TMPRSS4: variants seen among roughly 807,000 people sequenced by gnomAD.
TMPRSS4 encodes transmembrane protease serine 4.
A neutral mutation model predicts 56.4 loss-of-function variants in TMPRSS4; 45 were observed. The observed-to-expected ratio is 0.80, with a 90% CI of 0.63 to 1.02. The LOEUF (loss-of-function observed/expected upper bound fraction) is 1.02. TMPRSS4 is among the 50% of genes least tolerant of loss of function. TMPRSS4 has a pLI of 0.00. For missense variants in TMPRSS4, 546 were observed against 556.7 expected, an observed-to-expected ratio of 0.98 and a Z score of 0.19; for synonymous variants, 205 against 211.0, an observed-to-expected ratio of 0.97 and a Z score of 0.25.
chr11:118,094,811 T>C lies in TMPRSS4; in HGVS notation c.4-5T>C. 6.2e-6 allele frequency: 10 copies of C among 1,611,212 alleles called. No individual in the cohort carries two copies. Among genetic ancestry groups the C allele is most frequent in the Non-Finnish European group, 8.5e-6 (10 of 1,178,854 alleles). On this transcript the variant is annotated splice_region_variant and splice_polypyrimidine_tract_variant and intron_variant, in intron 1 of 12. Transcript: ENST00000437212. ...GCCTCAACTCACTGACTGTTTTTCC[T>C]TCAATTACAGGATCCTGACAGTGAT...
intron 2 of TMPRSS4, among the ~76,000 whole-genome samples, chr11:118,095,681 G>C (rs1022023517): frequency 1.3e-5 from 2 of 152,180 alleles, no homozygotes; most frequent in African/African-American, 4.8e-5. Context: ...GAGGACCAGG[G>C]AGTGAACGTG....
chr11:118,081,376 G>A (rs45445895), intron 1 of TMPRSS4, among the ~76,000 whole-genome samples: 4,103 of 152,214 alleles, frequency 0.027, 73 homozygotes, highest in African/African-American at 0.052. Flanking sequence ...CCTGTGACAC[G>A]TCTAACGCCA....
intron 2 of TMPRSS4, chr11:118,095,549 A>G (rs1946238896): frequency 6.6e-6 from 1 of 152,414 alleles, no homozygotes; most frequent in Non-Finnish European, 1.5e-5. Flanking sequence ...TGCCTAGTTT[A>G]TACTTTGGAA....
At chr11:118,085,082 G>T (rs79388079) in intron 1 of TMPRSS4, among the ~76,000 whole-genome samples, 1 of 152,152 alleles carries the variant, frequency 6.6e-6, no homozygotes, top group Non-Finnish European at 1.5e-5. Flanking sequence ...AGCAGGTGGC[G>T]CACCTTACAG....
At position 118,114,674 on chromosome 11, in the gene TMPRSS4, T is replaced by C. The variant is rs138881820; in HGVS notation, c.911-155T>C. Among the ~76,000 whole-genome samples the C allele has an allele frequency of 1.0e-3, 159 of 152,324 alleles. 1 individual carries two copies. The East Asian group carries it at 0.027, about 26-fold the overall frequency. ...TTGGCTGGTTTGCCTATTAAAGGCG[T>C]GCCCAAAGCCAAGTTGTTTACTATC... On this transcript the variant is annotated intron_variant, in intron 9 of 12. Transcript: ENST00000437212.
intron 8 of TMPRSS4, among the ~76,000 whole-genome samples, chr11:118,112,432 G>A (rs1013099791): frequency 2.9e-5 from 3 of 104,058 alleles, no homozygotes; most frequent in East Asian, 3.1e-4. Context: ...TTGCTCTGTT[G>A]CTTAGGCTGG....
At chr11:118,116,546 G>A (rs866040108) in intron 11 of TMPRSS4, among the ~76,000 whole-genome samples, 1 of 152,242 alleles carries the variant, frequency 6.6e-6, no homozygotes, top group Middle Eastern at 3.4e-3. Flanking sequence ...TTATTTGCTT[G>A]TTCACTGTCT....
Position 118,103,381 on chromosome 11 carries a change from T to TTTG in TMPRSS4, c.310+131_310+133dup, listed in dbSNP as rs1311235656. ...CATCCTTGTTGTATAAGGTTCTTTG[T>TTTG]TTGTTTGTTTGTTGTTGTTTTGAGG... On this transcript the variant is annotated intron_variant, in intron 4 of 12. Coordinates refer to ENST00000437212, the MANE Select transcript of TMPRSS4 (RefSeq NM_019894.4). 11 of 1,075,070 alleles carry TTTG rather than the reference T, an allele frequency of 1.0e-5. No homozygotes were observed. The South Asian group carries it at 1.2e-4, about 12-fold the overall frequency. The allele number at this position is 1,075,070 out of a possible 1,614,324, so 66.6% of individuals were successfully genotyped here. A position where few individuals can be genotyped will look rare whatever the true frequency, so the allele number is the denominator to read the frequency against.
chr11:118,106,895 A>T (rs924560636), intron 5 of TMPRSS4: 1 of 152,244 alleles, frequency 6.6e-6, no homozygotes, highest in African/African-American at 2.4e-5. Context: ...GACAGAACCT[A>T]GATCATGAGG....
intron 3 of TMPRSS4, among the ~76,000 whole-genome samples, chr11:118,102,158 C>A (rs1389995962): frequency 6.6e-6 from 1 of 152,066 alleles, no homozygotes. Context: ...TCTCCCTCCT[C>A]CCGCCTCCCC....
chr11:118,115,372 G>A, intron 11 of TMPRSS4, 92 bp downstream of exon 11: 11 of 1,476,618 alleles, frequency 7.4e-6, no homozygotes, highest in Admixed American at 2.4e-5. Context: ...CCTACAGGAA[G>A]CCTTGCATAT....
Position 118,099,048 on chromosome 11 carries a change from T to A in TMPRSS4, c.107T>A (p.Ile36Asn), listed in dbSNP as rs1946575015. The change falls in exon 3 of 13, where the codon ATC becomes AAC. Residue 36 changes from isoleucine (I) to asparagine (N), a missense_variant. Physicochemically the swap from Ile to Asn is moderately radical, Grantham distance 149. Coordinates refer to ENST00000437212, the MANE Select transcript of TMPRSS4 (RefSeq NM_019894.4). Reference sequence around the variant, plus strand: ...ACCTTCAGAAAGGTGGGGATCCCCATCATCATAGCACTACTGAGCCTGGCG... The same window carrying A: ...ACCTTCAGAAAGGTGGGGATCCCCAACATCATAGCACTACTGAGCCTGGCG... ...METFRKVGIPIIIALLSLASI... is the reference protein window; with the variant it reads ...METFRKVGIPNIIALLSLASI... The A allele has an allele frequency of 6.2e-7, 1 of 1,613,868 alleles. No individual in the cohort carries two copies. Among genetic ancestry groups the A allele is most frequent in the Non-Finnish European group, 8.5e-7 (1 of 1,179,918 alleles).
chr11:118,101,432 T>G (rs1031115678), intron 3 of TMPRSS4, among the ~76,000 whole-genome samples: 1 of 151,940 alleles, frequency 6.6e-6, no homozygotes, highest in African/African-American at 2.4e-5. Flanking sequence ...CCTGCCAGGG[T>G]GTTTGGCTGT....
intron 3 of TMPRSS4, among the ~76,000 whole-genome samples, chr11:118,102,351 A>G (rs993650342): frequency 6.6e-6 from 1 of 152,154 alleles, no homozygotes; most frequent in Non-Finnish European, 1.5e-5. Flanking sequence ...TATTATAGAT[A>G]TCATCATCCC....
At chr11:118,114,789 A>T in intron 9 of TMPRSS4, 40 bp from the exon 10 acceptor site, 3 of 1,535,372 alleles carry the variant, frequency 2.0e-6, no homozygotes, top group Non-Finnish European at 2.7e-6. Flanking sequence ...AACACTTATG[A>T]TGAATAAAAG....
At chr11:118,082,969 G>A (rs988195765) in intron 1 of TMPRSS4, among the ~76,000 whole-genome samples, 8 of 152,132 alleles carry the variant, frequency 5.3e-5, no homozygotes, top group African/African-American at 1.9e-4. Context: ...CAGAATCCTC[G>A]TATGGGACAC....
At chr11:118,100,579 A>G (rs934082353) in intron 3 of TMPRSS4, among the ~76,000 whole-genome samples, 1 of 151,986 alleles carries the variant, frequency 6.6e-6, no homozygotes, top group Admixed American at 6.5e-5. Context: ...ACCCCACTAA[A>G]AGCCCTGGGA....
chr11:118,081,300 G>C (rs973575660), intron 1 of TMPRSS4, among the ~76,000 whole-genome samples: 3 of 152,224 alleles, frequency 2.0e-5, no homozygotes, highest in African/African-American at 7.2e-5. Context: ...GCACAGGTCT[G>C]AGCCTGCCCG....
At position 118,115,218 on chromosome 11, in the gene TMPRSS4, G is replaced by T. The variant is rs975964477; in HGVS notation, c.1090G>T (p.Gly364Trp). The change falls in exon 11 of 13, where the codon GGG becomes TGG. Residue 364 changes from glycine to tryptophan, a missense_variant. Coordinates refer to ENST00000437212, the MANE Select transcript of TMPRSS4 (RefSeq NM_019894.4). ...TRCNADDAYQ[G>W]EVTEKMMCAG... Reference sequence around the variant, plus strand: ...GTGCAATGCAGACGATGCGTACCAGGGGGAAGTCACCGAGAAGATGATGTG... The same window carrying T: ...GTGCAATGCAGACGATGCGTACCAGTGGGAAGTCACCGAGAAGATGATGTG... The T allele has an allele frequency of 6.2e-7, 1 of 1,613,046 alleles. No homozygotes were observed. The highest frequency in any genetic ancestry group is 8.5e-7 in the Non-Finnish European group (1 of 1,179,914).
Sources: allele counts gnomAD v4.1 joint callset (sites outside exome capture counted in the v4.1 genomes callset), GRCh38; gene constraint gnomAD v4.1.1; transcripts MANE v1.5; gene names NCBI Gene and HGNC (gene_info 2026-07-23, HGNC 2026-07-21).